The following EFR3A variants were observed in gnomAD, a reference collection of about 807,000 sequenced individuals.
EFR3A encodes the protein EFR3 homolog A, also known as protein EFR3 homolog A.
Under a neutral mutation model 104.4 loss-of-function variants are expected in EFR3A, and 76 were observed. That is an observed-to-expected ratio of 0.73 (90% CI 0.60 to 0.88). EFR3A has a LOEUF of 0.88. Ranked by LOEUF, EFR3A falls within the 40% of genes least tolerant of loss-of-function variation. The probability of loss-of-function intolerance (pLI) is 0.00; values close to 1 mark genes in which losing one functional copy is unlikely to be tolerated. For missense variants in EFR3A, 985 were observed against 1,012.5 expected (o/e 0.97, Z 0.37); for synonymous variants, 330 against 330.0 (o/e 1.00, Z 0.00).
At position 131,936,918 on chromosome 8, in the gene EFR3A, G is replaced by A. The variant is rs187272316; in HGVS notation, c.11-3581G>A. Among the ~76,000 whole-genome samples the A allele has an allele frequency of 9.4e-4, 143 of 152,084 alleles. 1 individual carries two copies. Among genetic ancestry groups the A allele is most frequent in the African/African-American group, 3.3e-3 (138 of 41,492 alleles). On this transcript the variant is annotated intron_variant, in intron 1 of 22. Transcript: ENST00000254624. Reference sequence around the variant, plus strand: ...TATAGAGGCTTCACTATAAAGGCGCGATTGATTAAATCATTGGCCACCTGT... The same window carrying A: ...TATAGAGGCTTCACTATAAAGGCGCAATTGATTAAATCATTGGCCACCTGT...
chr8:131,904,269 C>T lies in EFR3A; in HGVS notation c.-44C>T, dbSNP rs1293752792. On this transcript the variant is annotated 5_prime_UTR_variant, in exon 1 of 23. Transcript: ENST00000254624. ...GGTGCCGTCGGCGCTCCCTGCGCGG[C>T]CCCGCTGAGCCTCGGTGCGGCGGCG... is the stretch of plus-strand genomic sequence containing the variant. 1 of 1,281,080 alleles carries T rather than the reference C, an allele frequency of 7.8e-7. No individual in the cohort carries two copies. Among genetic ancestry groups the T allele is most frequent in the Admixed American group, 3.8e-5 (1 of 26,256 alleles). The allele number at this position is 1,281,080 out of a possible 1,614,324, so 79.4% of individuals were successfully genotyped here.
chr8:132,007,519 A>C (rs140206960), intron 22 of EFR3A, among the ~76,000 whole-genome samples: 1 of 152,074 alleles, frequency 6.6e-6, no homozygotes, highest in African/African-American at 2.4e-5. Flanking sequence ...GAAGGATTAA[A>C]TATTGTTTAT....
chr8:131,998,337 ACT>A (rs1271622008), intron 19 of EFR3A, among the ~76,000 whole-genome samples: 1 of 152,032 alleles, frequency 6.6e-6, no homozygotes, highest in Non-Finnish European at 1.5e-5. Context: ...ATAAAAAATA[ACT>A]TTTTTGTTTG....
chr8:131,923,610 C>T (rs1271957960), intron 1 of EFR3A, among the ~76,000 whole-genome samples: 2 of 150,002 alleles, frequency 1.3e-5, no homozygotes, highest in African/African-American at 4.9e-5. Context: ...AAAGATTCAT[C>T]TCATTTTAGT....
intron 22 of EFR3A, among the ~76,000 whole-genome samples, chr8:132,010,450 A>ATATATATATATATATATATATAT (rs1822286046): frequency 2.2e-5 from 3 of 137,172 alleles, no homozygotes; most frequent in African/African-American, 5.4e-5. Flanking sequence ...ATATATATAT[A>ATATATATATATATATATATATAT]ATGAAATACC....
At position 131,908,575 on chromosome 8, in the gene EFR3A, A is replaced by G. The variant is rs534547420; in HGVS notation, c.10+4253A>G. 1.1e-4 allele frequency among the ~76,000 whole-genome samples: 16 copies of G among 152,240 alleles called. No individual in the cohort carries two copies. The South Asian group carries it at 1.5e-3, about 14-fold the overall frequency. ...ACTCTTCCACTTTGAGGGAGGCCCT[A>G]TTTGACCTGTTTTAGAAGATAGAGA... On this transcript the variant is annotated intron_variant, in intron 1 of 22. Transcript: ENST00000254624.
At chr8:131,963,072 G>T (rs1360067238) in intron 8 of EFR3A, among the ~76,000 whole-genome samples, 3 of 152,190 alleles carry the variant, frequency 2.0e-5, no homozygotes, top group Admixed American at 6.5e-5. Context: ...TTAAAGCTGT[G>T]TGTAGAGGGA....
intron 1 of EFR3A, among the ~76,000 whole-genome samples, chr8:131,905,312 T>C (rs1057394534): frequency 1.3e-5 from 2 of 152,240 alleles, no homozygotes; most frequent in South Asian, 4.1e-4. Context: ...TGTAGCCATC[T>C]GGGACGCTGA....
intron 1 of EFR3A, among the ~76,000 whole-genome samples, chr8:131,928,116 C>CCA (rs1563632621): frequency 2.0e-5 from 3 of 152,054 alleles, no homozygotes; most frequent in African/African-American, 7.2e-5. Context: ...TGGCACTTTG[C>CCA]GTGTAGTTAA....
intron 9 of EFR3A, among the ~76,000 whole-genome samples, chr8:131,970,035 G>A (rs1384763313): frequency 6.6e-6 from 1 of 152,150 alleles, no homozygotes; most frequent in African/African-American, 2.4e-5. Context: ...CATAATTGAG[G>A]CATATTCTCC....
chr8:131,958,358 A>G (rs1333879150), intron 7 of EFR3A, among the ~76,000 whole-genome samples: 2 of 152,080 alleles, frequency 1.3e-5, no homozygotes, highest in East Asian at 3.9e-4. Context: ...TTAACTGTGC[A>G]TTTGTTTTCT....
chr8:131,946,128 CATT>C (rs1172426371), intron 3 of EFR3A, among the ~76,000 whole-genome samples: 8 of 151,872 alleles, frequency 5.3e-5, no homozygotes, highest in Non-Finnish European at 1.2e-4. Context: ...GAAATTGTCA[CATT>C]AATAATTATT....
intron 18 of EFR3A, among the ~76,000 whole-genome samples, chr8:131,991,308 G>T (rs1821169069): frequency 1.3e-5 from 2 of 152,154 alleles, no homozygotes. Flanking sequence ...TTCTTCAGAT[G>T]CAATTCAAGT....
chr8:131,983,846 T>G (rs549783630), intron 14 of EFR3A, among the ~76,000 whole-genome samples: 2 of 152,344 alleles, frequency 1.3e-5, no homozygotes, highest in East Asian at 3.9e-4. Context: ...CATAATTTGC[T>G]TTTGTTTTTT....
rs559888917 is a variant in EFR3A, at chr8:131,995,109, T to C, written c.2066-1297T>C. Among the ~76,000 whole-genome samples, 209 of 152,216 alleles carry C rather than the reference T, an allele frequency of 1.4e-3. 1 individual carries two copies. The highest frequency in any genetic ancestry group is 3.4e-3 in the Middle Eastern group (1 of 294). On this transcript the variant is annotated intron_variant, in intron 18 of 22. Transcript: ENST00000254624. ...TTGCAAGTAGAAGAGGAAAAACTAT[T>C]ATCTTTGAAAGACAGTGTAGCATTC...
chr8:131,962,429 A>T (rs1305035423), intron 8 of EFR3A, among the ~76,000 whole-genome samples: 2 of 152,232 alleles, frequency 1.3e-5, no homozygotes, highest in African/African-American at 2.4e-5. Flanking sequence ...GATAAAACAG[A>T]CTTTAAACCA....
chr8:131,975,970 A>G, intron 10 of EFR3A, 57 bp from the exon 11 acceptor site: 1 of 1,071,148 alleles, frequency 9.3e-7, no homozygotes, highest in Non-Finnish European at 1.4e-6. Flanking sequence ...ATAATTTTGT[A>G]TTATATGGAA....
At chr8:132,006,759 A>G (rs1822076290) in intron 22 of EFR3A, among the ~76,000 whole-genome samples, 1 of 152,056 alleles carries the variant, frequency 6.6e-6, no homozygotes, top group Admixed American at 6.6e-5. Context: ...ATATAGTCAC[A>G]GAAATCTTTA....
At chr8:131,907,639 A>G (rs909498087) in intron 1 of EFR3A, among the ~76,000 whole-genome samples, 4 of 152,234 alleles carry the variant, frequency 2.6e-5, no homozygotes, top group Non-Finnish European at 5.9e-5. Flanking sequence ...GAAATGCAGA[A>G]TGAATTATAA....
Sources: allele counts gnomAD v4.1 joint callset (sites outside exome capture counted in the v4.1 genomes callset), GRCh38; gene constraint gnomAD v4.1.1; transcripts MANE v1.5; gene names NCBI Gene and HGNC (gene_info 2026-07-23, HGNC 2026-07-21).